Variants in FBXO6 observed in about 807,000 individuals in gnomAD.
FBXO6 encodes the protein F-box protein 6.
In FBXO6, 13 loss-of-function variants were observed where a neutral mutation model predicts 25.0. That is an observed-to-expected ratio of 0.52 (90% CI 0.34 to 0.83). FBXO6 has a LOEUF of 0.83. FBXO6 is among the 40% of genes least tolerant of loss of function. The pLI, the probability that FBXO6 is intolerant of heterozygous loss-of-function variation, is 0.02. For missense variants in FBXO6, 370 were observed against 380.2 expected, an observed-to-expected ratio of 0.97 and a Z score of 0.22; for synonymous variants, 138 against 155.3, an observed-to-expected ratio of 0.89 and a Z score of 0.83.
chr1:11,666,035 C>CTTTT (rs1557670275), intron 1 of FBXO6, among the ~76,000 whole-genome samples: 2 of 106,768 alleles, frequency 1.9e-5, no homozygotes, highest in Admixed American at 1.0e-4. Context: ...TTTTTCTTTT[C>CTTTT]TCTTTTTTTT....
intron 1 of FBXO6, among the ~76,000 whole-genome samples, chr1:11,664,893 G>T (rs1395278884): frequency 1.3e-5 from 2 of 152,186 alleles, no homozygotes; most frequent in Admixed American, 6.5e-5. Flanking sequence ...GGCCGGGGGG[G>T]GGAAGGGGCG....
At chr1:11,667,324 G>A (rs1640470266) in intron 1 of FBXO6, among the ~76,000 whole-genome samples, 2 of 152,146 alleles carry the variant, frequency 1.3e-5, no homozygotes, top group Admixed American at 6.5e-5. Context: ...CCCCTTAAGA[G>A]GACTAACCAG....
chr1:11,673,899 G>A lies in FBXO6; in HGVS notation c.*48G>A. 3 of 1,579,376 alleles carry A rather than the reference G, an allele frequency of 1.9e-6. No homozygotes were observed. Among genetic ancestry groups the A allele is most frequent in the South Asian group, 1.1e-5 (1 of 90,002 alleles). On this transcript the variant is annotated 3_prime_UTR_variant, in exon 6 of 6. Coordinates refer to ENST00000376753, the MANE Select transcript of FBXO6 (RefSeq NM_018438.6). The surrounding 1 kb of genome is among the most constrained non-coding windows in gnomAD (Gnocchi z 4.3). ...GTCAGCCAGAGGTTCCTCCAGGCAG[G>A]AGCTGAGCATGGGGTGGGCAGTGAG... is the stretch of plus-strand genomic sequence containing the variant.
At position 11,665,215 on chromosome 1, in the gene FBXO6, C is replaced by CTTTTT. The variant is rs541103021; in HGVS notation, c.-4+983_-4+987dup. Among the ~76,000 whole-genome samples the CTTTTT allele has an allele frequency of 7.0e-4, 43 of 61,588 alleles. 6 individuals are homozygous for CTTTTT. Among genetic ancestry groups the CTTTTT allele is most frequent in the South Asian group, 3.2e-3 (4 of 1,244 alleles). The allele number at this position is 61,588 out of a possible 152,430, so 40.4% of individuals were successfully genotyped here. On this transcript the variant is annotated intron_variant, in intron 1 of 5. Transcript: ENST00000376753. ...ACGGGCCACCAGGCCTAGCTAATTTCTTTTTTTTTTTTTTTTTTTTTTTTT... is the reference window on the plus strand; with the variant it reads ...ACGGGCCACCAGGCCTAGCTAATTTCTTTTTTTTTTTTTTTTTTTTTTTTTTTTTT...
At position 11,673,947 on chromosome 1, in the gene FBXO6, C is replaced by T; in HGVS notation, c.*96C>T. On this transcript the variant is annotated 3_prime_UTR_variant, in exon 6 of 6. Coordinates refer to ENST00000376753, the MANE Select transcript of FBXO6 (RefSeq NM_018438.6). The surrounding 1 kb of genome is among the most constrained non-coding windows in gnomAD (Gnocchi z 4.3). The stretch of plus-strand genomic sequence containing the variant: ...GAGGTCCCTGTACCAGCGACTCCTG[C>T]CCCGGTTCAACCCTACCAGCTTGTG... 9.5e-7 allele frequency: 1 copy of T among 1,053,108 alleles called. No individual in the cohort carries two copies. Among genetic ancestry groups the T allele is most frequent in the Non-Finnish European group, 1.5e-6 (1 of 685,930 alleles). The allele number at this position is 1,053,108 out of a possible 1,614,324, so 65.2% of individuals were successfully genotyped here.
chr1:11,671,034 G>A (rs1343836870), intron 2 of FBXO6, among the ~76,000 whole-genome samples: 1 of 152,136 alleles, frequency 6.6e-6, no homozygotes, highest in Admixed American at 6.5e-5. Context: ...AGGTGCAGTT[G>A]GGGTACACTT....
chr1:11,668,082 ACT>A (rs1436738724), intron 1 of FBXO6, among the ~76,000 whole-genome samples: 1 of 114,212 alleles, frequency 8.8e-6, no homozygotes, highest in Admixed American at 1.0e-4. Context: ...ACAGAGCAAG[ACT>A]CTGTCTCAAA....
At chr1:11,671,870 A>G (rs1570277316) in intron 3 of FBXO6, 58 bp from the exon 4 acceptor site, 1 of 1,430,080 alleles carries the variant, frequency 7.0e-7, no homozygotes, top group Non-Finnish European at 9.8e-7. Flanking sequence ...GGCCTGGGTG[A>G]GGGGGGGGGC....
At chr1:11,669,465 T>TC (rs200411938) in intron 2 of FBXO6, among the ~76,000 whole-genome samples, 23 of 143,344 alleles carry the variant, frequency 1.6e-4, no homozygotes, top group African/African-American at 4.7e-4. Flanking sequence ...ACTTTTAGTC[T>TC]CAAAAAAAAA....
At chr1:11,667,530 C>T (rs942105200) in intron 1 of FBXO6, among the ~76,000 whole-genome samples, 3 of 152,184 alleles carry the variant, frequency 2.0e-5, no homozygotes, top group African/African-American at 7.2e-5. Context: ...CTCCTTTTCA[C>T]AGCTTCCCAA....
Position 11,668,900 on chromosome 1 carries a change from T to G in FBXO6, c.242T>G (p.Leu81Arg). The stretch of plus-strand genomic sequence containing the variant: ...GCCGACTGGAAAATCTTCTACTTCC[T>G]ACGGAGCCTGCATAGGAACCTCCTG... The part of the protein sequence containing the change: ...PVADWKIFYF[L>R]RSLHRNLLRN... Residue 81 changes from leucine (L) to arginine (R), a missense_variant, in exon 2 of 6, where the codon CTA becomes CGA. Coordinates refer to ENST00000376753, the MANE Select transcript of FBXO6 (RefSeq NM_018438.6). The G allele has an allele frequency of 6.2e-7, 1 of 1,614,116 alleles. No individual in the cohort carries two copies. Among genetic ancestry groups the G allele is most frequent in the Non-Finnish European group, 8.5e-7 (1 of 1,180,002 alleles).
rs1007771855 is a variant in FBXO6 at position 11,671,868 on chromosome 1, TGA to T, written c.414-58_414-57del. ...CTCACAGGGGCTGCCAAGGCCTGGGTGAGGGGGGGGGCCATGCAGAGCACACC... is the reference window on the plus strand; with the variant it reads ...CTCACAGGGGCTGCCAAGGCCTGGGTGGGGGGGGGCCATGCAGAGCACACC... On this transcript the variant is annotated intron_variant, in intron 3 of 5. Coordinates refer to ENST00000376753, the MANE Select transcript of FBXO6 (RefSeq NM_018438.6). The T allele has an allele frequency of 8.3e-6, 12 of 1,439,918 alleles. No individual in the cohort carries two copies. In the Admixed American group the frequency reaches 1.4e-4, roughly 17 times the overall value. 89.2% of individuals were successfully genotyped at this position (1,439,918 alleles called of 1,614,324 possible).
At chr1:11,670,843 G>A (rs953741767) in intron 2 of FBXO6, among the ~76,000 whole-genome samples, 1 of 152,162 alleles carries the variant, frequency 6.6e-6, no homozygotes, top group Non-Finnish European at 1.5e-5. Flanking sequence ...GAGTTCCACC[G>A]CAACATGGAA....
At chr1:11,671,876 G>C in intron 3 of FBXO6, 52 bp from the exon 4 acceptor site, 1 of 1,510,390 alleles carries the variant, frequency 6.6e-7, no homozygotes, top group Non-Finnish European at 9.2e-7. Flanking sequence ...GGTGAGGGGG[G>C]GGGCCATGCA....
chr1:11,669,665 T>TATATAC (rs1557672895), intron 2 of FBXO6, among the ~76,000 whole-genome samples: 11 of 145,946 alleles, frequency 7.5e-5, no homozygotes, highest in Middle Eastern at 3.6e-3. Flanking sequence ...CATATACACA[T>TATATAC]GTATATATGT....
intron 2 of FBXO6, 107 bp downstream of exon 2, chr1:11,669,051 C>A: frequency 7.4e-7 from 1 of 1,356,248 alleles, no homozygotes; most frequent in Non-Finnish European, 1.0e-6. Flanking sequence ...TAACCCTAAA[C>A]ACCCACCTCA....
In FBXO6 at chr1:11,673,228, G is replaced by A; in HGVS notation, c.510-49G>A. On this transcript the variant is annotated intron_variant, in intron 4 of 5. Coordinates refer to ENST00000376753, the MANE Select transcript of FBXO6 (RefSeq NM_018438.6). The surrounding 1 kb of genome is among the most constrained non-coding windows in gnomAD (Gnocchi z 4.3). ...TAGGTCCCACCTGCCCCCACCCCTG[G>A]GGCCAGCCCTCGGTGGCTTGGACAC... 2 of 1,569,176 alleles carry A rather than the reference G, an allele frequency of 1.3e-6. No individual in the cohort carries two copies. The highest frequency in any genetic ancestry group is 1.7e-6 in the Non-Finnish European group (2 of 1,157,410).
chr1:11,671,183 CTCCCGCCCTCCT>C, intron 2 of FBXO6, 71 bp from the exon 3 acceptor site: 7 of 1,558,618 alleles, frequency 4.5e-6, no homozygotes, highest in Non-Finnish European at 6.1e-6. Flanking sequence ...ACCACCCTCC[CTCCCGCCCTCCT>C]GGGACTAAGT....
intron 1 of FBXO6, among the ~76,000 whole-genome samples, chr1:11,665,563 T>A (rs1640406294): frequency 1.1e-5 from 1 of 88,652 alleles, no homozygotes; most frequent in South Asian, 4.0e-4. Context: ...CCTTTTTTTT[T>A]TTTTTTTTTT....
Sources: gnomAD v4.1 joint callset for allele counts (sites outside exome capture counted in the v4.1 genomes callset) on GRCh38, gnomAD v4.1.1 for gene constraint, Gnocchi (gnomAD v3.1) non-coding constraint, MANE v1.5 for transcripts, NCBI Gene and HGNC (gene_info 2026-07-23, HGNC 2026-07-21) for gene names.